Variants in GRID2 observed in about 807,000 individuals in gnomAD.
GRID2 encodes the protein glutamate receptor ionotropic, delta-2.
GRID2 carries 33 observed loss-of-function variants against 114.8 expected under a neutral mutation model. The observed-to-expected ratio is 0.29, with a 90% confidence interval of 0.22 to 0.38. The LOEUF (loss-of-function observed/expected upper bound fraction) is 0.38. Ranked by LOEUF, GRID2 falls within the 10% of genes least tolerant of loss-of-function variation. The probability of loss-of-function intolerance (pLI) is 1.00; values close to 1 mark genes in which losing one functional copy is unlikely to be tolerated. For missense variants in GRID2, 1,184 were observed against 1,257.7 expected (o/e 0.94, Z 0.89); for synonymous variants, 505 against 449.9 (o/e 1.12, Z -1.55).
intron 2 of GRID2, among the ~76,000 whole-genome samples, chr4:92,746,676 C>T (rs1737163744): frequency 6.6e-6 from 1 of 152,062 alleles, no homozygotes; most frequent in Admixed American, 6.5e-5. Context: ...GGTATGCATG[C>T]TGGGATTCTG....
chr4:92,629,413 G>A (rs1730681484), intron 2 of GRID2, among the ~76,000 whole-genome samples: 2 of 151,996 alleles, frequency 1.3e-5, no homozygotes, highest in South Asian at 4.1e-4. Flanking sequence ...CTTATATATT[G>A]CTATAAATCA....
chr4:93,222,364 T>C (rs1360705030), intron 6 of GRID2, among the ~76,000 whole-genome samples: 1 of 151,958 alleles, frequency 6.6e-6, no homozygotes, highest in Non-Finnish European at 1.5e-5. Flanking sequence ...TCTCCTAGCA[T>C]GTAAGCTTTG....
intron 2 of GRID2, among the ~76,000 whole-genome samples, chr4:92,912,364 T>G (rs1456775920): frequency 1.3e-5 from 2 of 151,886 alleles, no homozygotes; most frequent in South Asian, 4.1e-4. Flanking sequence ...CACTAAGGTA[T>G]TACATTAGAG....
chr4:92,433,900 G>A (rs1381219665), intron 1 of GRID2, among the ~76,000 whole-genome samples: 1 of 152,138 alleles, frequency 6.6e-6, no homozygotes, highest in African/African-American at 2.4e-5. Context: ...TTAAAAGAGA[G>A]CAAGCAAGAA....
At chr4:92,380,091 G>A (rs1481361216) in intron 1 of GRID2, among the ~76,000 whole-genome samples, 1 of 151,806 alleles carries the variant, frequency 6.6e-6, no homozygotes, top group Non-Finnish European at 1.5e-5. Context: ...GGTATAATGG[G>A]CCCTTGATTT....
At chr4:92,695,330 T>A (rs1321872766) in intron 2 of GRID2, among the ~76,000 whole-genome samples, 1 of 152,002 alleles carries the variant, frequency 6.6e-6, no homozygotes, top group East Asian at 1.9e-4. Context: ...TAGTTTTTTT[T>A]ATATCTCCTC....
intron 2 of GRID2, among the ~76,000 whole-genome samples, chr4:92,967,745 AAT>A (rs1266927449): frequency 6.6e-6 from 1 of 151,910 alleles, no homozygotes; most frequent in Non-Finnish European, 1.5e-5. Context: ...GGATTATGAA[AAT>A]ATATTGTAGA....
At chr4:92,644,038 TGA>T (rs1189302269) in intron 2 of GRID2, among the ~76,000 whole-genome samples, 2 of 151,706 alleles carry the variant, frequency 1.3e-5, no homozygotes, top group Non-Finnish European at 2.9e-5. Context: ...TTAGTTATCC[TGA>T]GAGACAAAAA....
intron 8 of GRID2, among the ~76,000 whole-genome samples, chr4:93,339,927 CAAG>C (rs1759477037): frequency 6.6e-6 from 1 of 152,104 alleles, no homozygotes; most frequent in Non-Finnish European, 1.5e-5. Flanking sequence ...CTCACTATCA[CAAG>C]AAGAGCATTG....
At chr4:93,718,245 A>G (rs1016139076) in intron 14 of GRID2, among the ~76,000 whole-genome samples, 20 of 152,330 alleles carry the variant, frequency 1.3e-4, no homozygotes, top group Admixed American at 9.8e-4. Flanking sequence ...ATGGAATCAT[A>G]AAGATTTGGA....
At chr4:92,540,871 T>A (rs565832181) in intron 1 of GRID2, among the ~76,000 whole-genome samples, 2 of 151,652 alleles carry the variant, frequency 1.3e-5, no homozygotes, top group East Asian at 3.9e-4. Flanking sequence ...CTATTCACAA[T>A]AGCAAAGACT....
intron 1 of GRID2, among the ~76,000 whole-genome samples, chr4:92,332,024 T>G (rs1284418987): frequency 1.3e-5 from 2 of 152,208 alleles, no homozygotes; most frequent in Admixed American, 6.5e-5. Flanking sequence ...ACACATGTCC[T>G]AAACTGGCAG....
At chr4:93,529,613 C>A (rs879479399) in intron 13 of GRID2, among the ~76,000 whole-genome samples, 1 of 152,128 alleles carries the variant, frequency 6.6e-6, no homozygotes, top group African/African-American at 2.4e-5. Flanking sequence ...GAACCCAGGG[C>A]TTCGGGTGCA....
intron 1 of GRID2, among the ~76,000 whole-genome samples, chr4:92,405,995 T>C (rs577026075): frequency 6.6e-6 from 1 of 152,104 alleles, no homozygotes; most frequent in Non-Finnish European, 1.5e-5. Context: ...TGGAGTCCAA[T>C]GTTCAAGGGC....
At chr4:92,832,210 C>T (rs946085097) in intron 2 of GRID2, among the ~76,000 whole-genome samples, 2 of 151,976 alleles carry the variant, frequency 1.3e-5, no homozygotes, top group South Asian at 2.1e-4. Context: ...GAGGCCAAGG[C>T]GGGCTGATCA....
At chr4:93,326,882 T>C (rs1360821544) in intron 8 of GRID2, among the ~76,000 whole-genome samples, 1 of 152,226 alleles carries the variant, frequency 6.6e-6, no homozygotes, top group Non-Finnish European at 1.5e-5. Context: ...GAAGATGTTT[T>C]AAAATACTGG....
At chr4:93,770,751 C>A (rs1157689818) in intron 15 of GRID2, among the ~76,000 whole-genome samples, 1 of 152,116 alleles carries the variant, frequency 6.6e-6, no homozygotes, top group Non-Finnish European at 1.5e-5. Context: ...TTTTAAAAAT[C>A]TGGAAAGTAA....
intron 1 of GRID2, among the ~76,000 whole-genome samples, chr4:92,330,133 A>G (rs1362191183): frequency 6.6e-6 from 1 of 152,120 alleles, no homozygotes; most frequent in Non-Finnish European, 1.5e-5. Flanking sequence ...ACATAACATT[A>G]TTTAATCCAT....
At chr4:92,897,631 G>A (rs540037774) in intron 2 of GRID2, among the ~76,000 whole-genome samples, 182 of 152,262 alleles carry the variant, frequency 1.2e-3, no homozygotes, top group Non-Finnish European at 1.9e-3. Context: ...TGAACTTGGA[G>A]TAGGGGGTCT....
Sources: gnomAD v4.1 joint callset for allele counts (sites outside exome capture counted in the v4.1 genomes callset) on GRCh38, gnomAD v4.1.1 for gene constraint, MANE v1.5 for transcripts, NCBI Gene and HGNC (gene_info 2026-07-23, HGNC 2026-07-21) for gene names.